BBOF1: variants seen among roughly 807,000 people sequenced by gnomAD.
BBOF1 encodes basal body orientation factor 1.
A neutral mutation model predicts 68.0 loss-of-function variants in BBOF1; 62 were observed. The observed-to-expected ratio is 0.91, with a 90% CI of 0.74 to 1.13. BBOF1 has a LOEUF of 1.13. BBOF1 is among the 50% of genes most tolerant of loss of function. The pLI, the probability that BBOF1 is intolerant of heterozygous loss-of-function variation, is 0.00. For missense variants in BBOF1, 534 were observed against 600.1 expected, an observed-to-expected ratio of 0.89 and a Z score of 1.15; for synonymous variants, 208 against 198.8, an observed-to-expected ratio of 1.05 and a Z score of -0.39.
intron 9 of BBOF1, chr14:74,074,914 A>G (rs1490726440): frequency 1.9e-6 from 3 of 1,589,892 alleles, no homozygotes; most frequent in Non-Finnish European, 2.6e-6. Context: ...ACTATACTGA[A>G]TTCCTTCTCA....
chr14:74,032,594 A>G (rs560517290), intron 3 of BBOF1, among the ~76,000 whole-genome samples: 106 of 150,642 alleles, frequency 7.0e-4, no homozygotes, highest in Admixed American at 1.9e-3. Context: ...CCCAGGTTCA[A>G]TTGATTCTCC....
chr14:74,029,136 T>G, intron 2 of BBOF1, 48 bp from the exon 3 acceptor site: 1 of 1,164,560 alleles, frequency 8.6e-7, no homozygotes, highest in South Asian at 1.3e-5. Flanking sequence ...AAGGTAGACA[T>G]AGAGCAGTTT....
intron 3 of BBOF1, among the ~76,000 whole-genome samples, chr14:74,033,731 G>A (rs2140999327): frequency 6.6e-6 from 1 of 152,140 alleles, no homozygotes; most frequent in Non-Finnish European, 1.5e-5. Flanking sequence ...AAAAAAATCA[G>A]CCAGGCATGG....
chr14:74,057,672 TAAGA>T (rs1419629871), intron 11 of BBOF1: 1 of 1,302,488 alleles, frequency 7.7e-7, no homozygotes, highest in Non-Finnish European at 1.0e-6. Flanking sequence ...TTTTTCTCTT[TAAGA>T]GTTTTTAATT....
At chr14:74,027,324 T>C (rs561873592) in intron 2 of BBOF1, among the ~76,000 whole-genome samples, 19 of 149,214 alleles carry the variant, frequency 1.3e-4, no homozygotes, top group Non-Finnish European at 2.5e-4. Flanking sequence ...TGACCTCAGG[T>C]GATCTACCCG....
chr14:74,022,744 T>C (rs2059331624), intron 1 of BBOF1, among the ~76,000 whole-genome samples, 172 bp from the exon 2 acceptor site: 2 of 152,210 alleles, frequency 1.3e-5, no homozygotes, highest in Non-Finnish European at 2.9e-5. Context: ...TGAATATGTA[T>C]TTCTTATTAA....
chr14:74,043,466 C>T lies in BBOF1; in HGVS notation c.577-2594C>T, dbSNP rs995940870. On this transcript the variant is annotated intron_variant, in intron 5 of 11. Coordinates refer to ENST00000394009, the MANE Select transcript of BBOF1 (RefSeq NM_025057.3). ...TCGGGAGGCTGAGGCAGGAGAATGG[C>T]GTGAACCCGGGAAGCGGAGCTTGCA... 9.6e-5 allele frequency among the ~76,000 whole-genome samples: 13 copies of T among 135,148 alleles called. No individual in the cohort carries two copies. In the East Asian group the frequency reaches 1.1e-3, roughly 11 times the overall value. 88.7% of individuals were successfully genotyped at this position (135,148 alleles called of 152,430 possible).
chr14:74,055,251 C>G (rs759566607), intron 8 of BBOF1: 1 of 226,306 alleles, frequency 4.4e-6, no homozygotes, highest in Non-Finnish European at 9.0e-6. Flanking sequence ...TGGGTTCAAG[C>G]GATTCTCCTG....
At position 74,056,960 on chromosome 14, in the gene BBOF1, T is replaced by C; in HGVS notation, c.1443T>C (p.Ser481=). ...PPVPDYVVSD[S]GETKEFGDES... is the part of the protein sequence containing the mutation. ...TTCCAGACTATGTTGTTTCTGACAG[T>C]GGGGAAACAAAGGAATTTGGGTAAG... is the stretch of plus-strand genomic sequence containing the variant. The change falls in exon 10 of 12, where the codon AGT becomes AGC. Residue 481 remains serine (S), a synonymous_variant. Coordinates refer to ENST00000394009, the MANE Select transcript of BBOF1 (RefSeq NM_025057.3). 1.2e-6 allele frequency: 2 copies of C among 1,613,524 alleles called. No homozygotes were observed. Among genetic ancestry groups the C allele is most frequent in the Non-Finnish European group, 1.7e-6 (2 of 1,179,700 alleles).
chr14:74,068,020 T>TAA (rs1595119998), downstream of BBOF1, among the ~76,000 whole-genome samples: 1 of 144,102 alleles, frequency 6.9e-6, no homozygotes, highest in Admixed American at 6.8e-5. Flanking sequence ...AAAAAGAACT[T>TAA]ACAGCCTTAC....
At chr14:74,056,637 GT>G in intron 9 of BBOF1, among the ~76,000 whole-genome samples, 1 of 152,134 alleles carries the variant, frequency 6.6e-6, no homozygotes, top group Non-Finnish European at 1.5e-5. Flanking sequence ...CCCCTGGCCA[GT>G]TATACATTTT....
At chr14:74,070,434 G>T (rs1215704719), downstream of BBOF1, among the ~76,000 whole-genome samples, 1 of 152,096 alleles carries the variant, frequency 6.6e-6, no homozygotes, top group Non-Finnish European at 1.5e-5. Context: ...CAGGAAAATT[G>T]CTTGAACCTG....
intron 1 of BBOF1, among the ~76,000 whole-genome samples, chr14:74,020,960 G>A (rs1418455770): frequency 6.6e-6 from 1 of 152,102 alleles, no homozygotes; most frequent in Non-Finnish European, 1.5e-5. Context: ...GAGAACAAAA[G>A]GTGAAAGTGG....
chr14:74,062,703 G>A (rs1030725948), intron 11 of BBOF1, among the ~76,000 whole-genome samples: 1 of 152,084 alleles, frequency 6.6e-6, no homozygotes, highest in African/African-American at 2.4e-5. Flanking sequence ...TGGCCACACT[G>A]TCATAATGCT....
chr14:74,057,137 A>G lies in BBOF1; in HGVS notation c.1464-7A>G. On this transcript the variant is annotated splice_region_variant and splice_polypyrimidine_tract_variant and intron_variant, in intron 10 of 11. Coordinates refer to ENST00000394009, the MANE Select transcript of BBOF1 (RefSeq NM_025057.3). ...TTGACGGTTCTGTTATTTTGTCATT[A>G]TTGCAGGGATGAAAGTAAGCTTCAA... 6.2e-7 allele frequency: 1 copy of G among 1,609,376 alleles called. No homozygotes were observed. Among genetic ancestry groups the G allele is most frequent in the South Asian group, 1.1e-5 (1 of 90,794 alleles).
In BBOF1 at chr14:74,023,239, C is replaced by T. The variant is rs745344877; in HGVS notation, c.285+95C>T. On this transcript the variant is annotated intron_variant, in intron 2 of 11. Transcript: ENST00000394009. ...TCAAAGATTTTTAATTCCTTGAAAT[C>T]TTAACATATACTTAAGACATTTCAA... 2.3e-4 allele frequency: 163 copies of T among 696,896 alleles called. 1 individual carries two copies. Among genetic ancestry groups the T allele is most frequent in the Non-Finnish European group, 5.5e-5 (23 of 417,982 alleles). 43.2% of individuals were successfully genotyped at this position (696,896 alleles called of 1,614,324 possible).
chr14:74,066,711 A>G, downstream of BBOF1: 1 of 1,614,104 alleles, frequency 6.2e-7, no homozygotes, highest in African/African-American at 1.3e-5. Context: ...TCACCTTGAC[A>G]TTCGAGATGA....
intron 9 of BBOF1, chr14:74,072,545 G>A (rs1338025431): frequency 6.2e-7 from 1 of 1,614,020 alleles, no homozygotes; most frequent in South Asian, 1.1e-5. Context: ...ACTGGGTTGT[G>A]GATATCGATC....
At position 74,050,193 on chromosome 14, in the gene BBOF1, A is replaced by G; in HGVS notation, c.1284A>G (p.Lys428=). Residue 428 remains lysine, a splice_region_variant and synonymous_variant, in exon 8 of 12, where the codon AAA becomes AAG. Transcript: ENST00000394009. Reference sequence around the variant, plus strand: ...ATCAGGATCTTCTGGAGGCCGAAAAATGGTACTAGCAATACTTTATTATTA... The same window carrying G: ...ATCAGGATCTTCTGGAGGCCGAAAAGTGGTACTAGCAATACTTTATTATTA... ...SVNQDLLEAE[K]WTHIEGNVDI... 1 of 1,535,100 alleles carries G rather than the reference A, an allele frequency of 6.5e-7. No homozygotes were observed. Among genetic ancestry groups the G allele is most frequent in the South Asian group, 1.3e-5 (1 of 77,256 alleles).
Sources: allele counts gnomAD v4.1 joint callset (sites outside exome capture counted in the v4.1 genomes callset), GRCh38; gene constraint gnomAD v4.1.1; transcripts MANE v1.5; gene names NCBI Gene and HGNC (gene_info 2026-07-23, HGNC 2026-07-21).